The following ESYT3 variants were observed in gnomAD, a reference collection of about 807,000 sequenced individuals.
ESYT3 encodes extended synaptotagmin-3.
A neutral mutation model predicts 111.5 loss-of-function variants in ESYT3; 101 were observed. The ratio of observed to expected loss-of-function variants is 0.91; its 90% CI spans 0.77 to 1.07. ESYT3 has a LOEUF of 1.07. Among genes scored for constraint, ESYT3 ranks in the 50% least tolerant of loss-of-function variants. ESYT3 has a pLI of 0.00. For missense variants in ESYT3, 1,097 were observed against 1,109.4 expected, an observed-to-expected ratio of 0.99 and a Z score of 0.16; for synonymous variants, 416 against 446.8, an observed-to-expected ratio of 0.93 and a Z score of 0.87.
chr3:138,469,399 A>G lies in ESYT3; in HGVS notation c.1435-37A>G, dbSNP rs200209823. 300 of 1,582,198 alleles carry G rather than the reference A, an allele frequency of 1.9e-4. 2 individuals are homozygous for G. The Middle Eastern group carries it at 2.8e-3, about 15-fold the overall frequency. Reference sequence around the variant, plus strand: ...GGACTGTCTCAAGCTGATATTGACTATGCCACCTTCACTGTTATGGATTTG... The same window carrying G: ...GGACTGTCTCAAGCTGATATTGACTGTGCCACCTTCACTGTTATGGATTTG... On this transcript the variant is annotated intron_variant, in intron 14 of 22. Transcript: ENST00000389567.
chr3:138,447,867 TCTC>T (rs1236323927), intron 1 of ESYT3, among the ~76,000 whole-genome samples: 2 of 150,864 alleles, frequency 1.3e-5, no homozygotes, highest in Non-Finnish European at 2.9e-5. Context: ...ACAATTGAAA[TCTC>T]AGGAGGATTT....
At chr3:138,470,598 C>T (rs2033168333) in intron 16 of ESYT3, 2 of 1,216,842 alleles carry the variant, frequency 1.6e-6, no homozygotes, top group South Asian at 2.7e-5. Context: ...GCCTGGAGAG[C>T]AGCACAGCTC....
intron 1 of ESYT3, among the ~76,000 whole-genome samples, chr3:138,437,810 G>C (rs1355821158): frequency 3.9e-5 from 6 of 152,106 alleles, no homozygotes; most frequent in African/African-American, 9.7e-5. Flanking sequence ...GGTGCAGGGG[G>C]ATCCAGGGGT....
rs747365255 is a variant in ESYT3 at position 138,464,462 on chromosome 3, C to T, written c.1033C>T (p.Arg345Trp). Residue 345 changes from arginine to tryptophan, a missense_variant, in exon 9 of 23, where the codon CGG becomes TGG. Arg to Trp is a moderately radical substitution (Grantham distance 101). Coordinates refer to ENST00000389567, the MANE Select transcript of ESYT3 (RefSeq NM_031913.5). The stretch of plus-strand genomic sequence containing the variant: ...GGTGAGCATCGGCCTACAGCATTTC[C>T]GGAGTAGGACCATCTACAGGAACCT... ...AKVSIGLQHF[R>W]SRTIYRNLNP... The T allele has an allele frequency of 1.5e-5, 24 of 1,614,036 alleles. No homozygotes were observed. The highest frequency in any genetic ancestry group is 1.9e-5 in the Non-Finnish European group (23 of 1,180,026).
At position 138,478,375 on chromosome 3, in the gene ESYT3, A is replaced by G. The variant is rs1298804502; in HGVS notation, c.*1521A>G. ...CGTTTCTGCTGAGGTTTCTATTTTA[A>G]ATGGCAAATTCTCATAATAAAATGG... On this transcript the variant is annotated 3_prime_UTR_variant, in exon 23 of 23. Coordinates refer to ENST00000389567, the MANE Select transcript of ESYT3 (RefSeq NM_031913.5). 6.6e-6 allele frequency: 1 copy of G among 152,172 alleles called. No homozygotes were observed. The highest frequency in any genetic ancestry group is 1.9e-4 in the East Asian group (1 of 5,186). The allele number at this position is 152,172 out of a possible 1,614,324, so 9.4% of individuals were successfully genotyped here. A position where few individuals can be genotyped will look rare whatever the true frequency, so the allele number is the denominator to read the frequency against.
Position 138,468,588 on chromosome 3 carries a change from T to G in ESYT3, c.1309-67T>G, listed in dbSNP as rs867490465. 5.5e-5 allele frequency: 85 copies of G among 1,544,656 alleles called. No homozygotes were observed. The African/African-American group carries it at 8.6e-4, about 16-fold the overall frequency. ...TGGCTTTCTTCTGCCATGAGTAGGC[T>G]TCTCCAAAATCAGTCTTTGTGTCCT... is the stretch of plus-strand genomic sequence containing the variant. On this transcript the variant is annotated intron_variant, in intron 12 of 22. Transcript: ENST00000389567.
Position 138,440,851 on chromosome 3 carries a change from A to G in ESYT3, c.327+5726A>G, listed in dbSNP as rs1170522270. On this transcript the variant is annotated intron_variant, in intron 1 of 22. Transcript: ENST00000389567. The surrounding 1 kb of genome is among the most constrained non-coding windows in gnomAD (Gnocchi z 4.2). ...TCATTCCTATACTCACTCAGCAAGC[A>G]TTTATCGAGAACTTGCAGTGTGTCA... Among the ~76,000 whole-genome samples, 2 of 152,204 alleles carry G rather than the reference A, an allele frequency of 1.3e-5. No individual in the cohort carries two copies. Among genetic ancestry groups the G allele is most frequent in the Non-Finnish European group, 2.9e-5 (2 of 68,040 alleles).
At chr3:138,438,068 CAAAG>C (rs1313688836) in intron 1 of ESYT3, among the ~76,000 whole-genome samples, 1 of 152,140 alleles carries the variant, frequency 6.6e-6, no homozygotes, top group African/African-American at 2.4e-5. Context: ...ACTGTGAAGG[CAAAG>C]AGAGACAGGG....
In ESYT3 at chr3:138,474,323, G is replaced by C. The variant is rs775159665; in HGVS notation, c.2439G>C (p.Arg813=). 7 of 1,602,786 alleles carry C rather than the reference G, an allele frequency of 4.4e-6. No homozygotes were observed. In the Admixed American group the frequency reaches 1.2e-4, roughly 28 times the overall value. The change falls in exon 20 of 23, where the codon CGG becomes CGC. Residue 813 remains arginine (R), a synonymous_variant. Coordinates refer to ENST00000389567, the MANE Select transcript of ESYT3 (RefSeq NM_031913.5). ...WACRKKTSVK[R]KTLEPLFDET... ...GTCGTAAGAAGACTTCAGTGAAGCGGAAGACCTTGGAACCCCTGTTTGATG... is the reference window on the plus strand; with the variant it reads ...GTCGTAAGAAGACTTCAGTGAAGCGCAAGACCTTGGAACCCCTGTTTGATG...
At chr3:138,443,651 C>T (rs1176045163) in intron 1 of ESYT3, among the ~76,000 whole-genome samples, 1 of 152,048 alleles carries the variant, frequency 6.6e-6, no homozygotes, top group Non-Finnish European at 1.5e-5. Flanking sequence ...CTGTGTGTGT[C>T]TTTGCACATG....
rs59154284 is a variant in ESYT3, at chr3:138,437,754, A to G, written c.327+2629A>G. Among the ~76,000 whole-genome samples, 762 of 151,980 alleles carry G rather than the reference A, an allele frequency of 5.0e-3. 6 individuals are homozygous for G. Among genetic ancestry groups the G allele is most frequent in the African/African-American group, 0.018 (738 of 41,458 alleles). On this transcript the variant is annotated intron_variant, in intron 1 of 22. Transcript: ENST00000389567. ...TAGTAATGAGGGAGGAGAGTGGGAG[A>G]TGCGTGGGAGTGGGACTTTAGATGC...
At position 138,436,638 on chromosome 3, in the gene ESYT3, G is replaced by A. The variant is rs115888866; in HGVS notation, c.327+1513G>A. On this transcript the variant is annotated intron_variant, in intron 1 of 22. Transcript: ENST00000389567. The stretch of plus-strand genomic sequence containing the variant: ...TAGTAGCCATAGGGGTAGCGCATGG[G>A]GCCTGACTCCCACAGACTTTGGTCA... Among the ~76,000 whole-genome samples, 904 of 152,268 alleles carry A rather than the reference G, an allele frequency of 5.9e-3. 8 individuals are homozygous for A. Among genetic ancestry groups the A allele is most frequent in the African/African-American group, 0.021 (864 of 41,554 alleles).
intron 1 of ESYT3, among the ~76,000 whole-genome samples, chr3:138,437,036 C>T (rs2030759425): frequency 6.6e-6 from 1 of 152,160 alleles, no homozygotes; most frequent in Admixed American, 6.5e-5. Flanking sequence ...ATGGACCTAG[C>T]CAACAGGGAG....
At chr3:138,447,552 T>G (rs2031625298) in intron 1 of ESYT3, among the ~76,000 whole-genome samples, 1 of 152,130 alleles carries the variant, frequency 6.6e-6, no homozygotes. Flanking sequence ...GGAAAATAAA[T>G]GATATTCCCC....
Position 138,470,002 on chromosome 3 carries a change from C to T in ESYT3, c.1504-58C>T, listed in dbSNP as rs150459435. 794 of 1,460,374 alleles carry T rather than the reference C, an allele frequency of 5.4e-4. 5 individuals are homozygous for T. The African/African-American group carries it at 7.4e-3, about 14-fold the overall frequency. 90.5% of individuals were successfully genotyped at this position (1,460,374 alleles called of 1,614,324 possible). Reference sequence around the variant, plus strand: ...TGGCCAGAGTGATAGCAGAGGGTGCCGGTATCCAGCTCTGCCCAACCTAAC... The same window carrying T: ...TGGCCAGAGTGATAGCAGAGGGTGCTGGTATCCAGCTCTGCCCAACCTAAC... On this transcript the variant is annotated intron_variant, in intron 15 of 22. Transcript: ENST00000389567.
chr3:138,469,200 C>T (rs564537990), intron 14 of ESYT3: 78 of 594,936 alleles, frequency 1.3e-4, no homozygotes, highest in Non-Finnish European at 2.1e-4. Flanking sequence ...CCTGGCCAGG[C>T]CCAGCTCTGG....
chr3:138,455,109 A>T (rs1178303878), intron 2 of ESYT3, 85 bp from the exon 3 acceptor site: 13 of 1,519,698 alleles, frequency 8.6e-6, no homozygotes, highest in Non-Finnish European at 1.2e-5. Flanking sequence ...CAGGCTGCAG[A>T]GAATCAGGAC....
chr3:138,472,455 C>CG lies in ESYT3; in HGVS notation c.1833_1834insG (p.Asn612GlufsTer25). 6.2e-7 allele frequency: 1 copy of CG among 1,614,196 alleles called. No homozygotes were observed. The highest frequency in any genetic ancestry group is 1.1e-5 in the South Asian group (1 of 91,082). On this transcript the variant is annotated frameshift_variant, in exon 18 of 23. Transcript: ENST00000389567. LOFTEE classifies it high-confidence loss of function. ...CTCTGCTCATCAAGAAAGTGGCTAC[C>CG]AACCAGGGTCCCAAAGCCCAACCTC...
intron 1 of ESYT3, among the ~76,000 whole-genome samples, chr3:138,446,463 G>A (rs78255391): frequency 0.014 from 2,190 of 152,266 alleles, 40 homozygotes; most frequent in African/African-American, 0.049. Context: ...AACTCAAAAC[G>A]GTTGAAAATA....
Sources: gnomAD v4.1 joint callset for allele counts (sites outside exome capture counted in the v4.1 genomes callset) on GRCh38, gnomAD v4.1.1 for gene constraint, Gnocchi (gnomAD v3.1) non-coding constraint, MANE v1.5 for transcripts, NCBI Gene and HGNC (gene_info 2026-07-23, HGNC 2026-07-21) for gene names.